The following KIAA2012 variants were observed in gnomAD, a reference collection of about 807,000 sequenced individuals.
The protein encoded by KIAA2012 is uncharacterized protein KIAA2012.
In KIAA2012, 125 loss-of-function variants were observed where a neutral mutation model predicts 150.6. The ratio of observed to expected loss-of-function variants is 0.83; its 90% CI spans 0.72 to 0.96. The LOEUF is 0.96. Ranked by LOEUF, KIAA2012 falls within the 40% of genes least tolerant of loss-of-function variation. The pLI, the probability that KIAA2012 is intolerant of heterozygous loss-of-function variation, is 0.00. For synonymous variants in KIAA2012, 462 were observed against 504.7 expected, an observed-to-expected ratio of 0.92 and a Z score of 1.13; for missense variants, 1,219 against 1,354.9, an observed-to-expected ratio of 0.90 and a Z score of 1.57.
intron 14 of KIAA2012, among the ~76,000 whole-genome samples, chr2:202,158,058 G>C (rs151043595): frequency 6.6e-6 from 1 of 151,904 alleles, no homozygotes; most frequent in Non-Finnish European, 1.5e-5. Context: ...GCAGTGGCAC[G>C]ATCTTGGCTC....
chr2:202,194,855 G>A (rs1216785827), intron 21 of KIAA2012, among the ~76,000 whole-genome samples: 2 of 152,062 alleles, frequency 1.3e-5, no homozygotes, highest in Non-Finnish European at 2.9e-5. Context: ...TGCAACCTCT[G>A]CCTCCCAGGT....
intron 2 of KIAA2012, among the ~76,000 whole-genome samples, chr2:202,078,062 T>G (rs1164351066): frequency 1.3e-5 from 2 of 152,214 alleles, no homozygotes; most frequent in Non-Finnish European, 2.9e-5. Context: ...GATTCAACAT[T>G]CCACTTTTAG....
At chr2:202,087,875 G>T (rs542238800) in intron 2 of KIAA2012, among the ~76,000 whole-genome samples, 2 of 151,962 alleles carry the variant, frequency 1.3e-5, no homozygotes, top group African/African-American at 4.8e-5. Context: ...ACCAGAGCTA[G>T]GTCCCTTGGC....
At chr2:202,080,065 G>A (rs1689411643) in intron 2 of KIAA2012, among the ~76,000 whole-genome samples, 1 of 152,178 alleles carries the variant, frequency 6.6e-6, no homozygotes, top group South Asian at 2.1e-4. Flanking sequence ...AAACCTAAGT[G>A]GTGAAGCTAG....
chr2:202,158,922 C>T (rs1290448864), intron 14 of KIAA2012, among the ~76,000 whole-genome samples: 2 of 151,974 alleles, frequency 1.3e-5, no homozygotes, highest in Non-Finnish European at 2.9e-5. Context: ...TATGTTATGC[C>T]CAGAACATCT....
intron 17 of KIAA2012, among the ~76,000 whole-genome samples, chr2:202,187,337 C>T (rs1316089213): frequency 6.6e-6 from 1 of 152,036 alleles, no homozygotes; most frequent in African/African-American, 2.4e-5. Flanking sequence ...CACAGTCTCA[C>T]TGTGTTGCCC....
intron 2 of KIAA2012, among the ~76,000 whole-genome samples, chr2:202,081,171 T>A (rs1689443914): frequency 6.6e-6 from 1 of 152,264 alleles, no homozygotes; most frequent in African/African-American, 2.4e-5. Context: ...TTGTAGCATG[T>A]ATCCGAATTT....
At chr2:202,079,436 A>G (rs1689393427) in intron 2 of KIAA2012, among the ~76,000 whole-genome samples, 1 of 152,136 alleles carries the variant, frequency 6.6e-6, no homozygotes, top group Admixed American at 6.5e-5. Flanking sequence ...GAATCAAGAA[A>G]CCTGCATGAC....
intron 15 of KIAA2012, among the ~76,000 whole-genome samples, chr2:202,181,010 T>C (rs1692107737): frequency 6.6e-6 from 1 of 152,120 alleles, no homozygotes; most frequent in African/African-American, 2.4e-5. Flanking sequence ...CACTCTGTCT[T>C]TCAGGCTGGA....
intron 7 of KIAA2012, among the ~76,000 whole-genome samples, chr2:202,100,681 A>G (rs1269248384): frequency 6.6e-6 from 1 of 152,260 alleles, no homozygotes; most frequent in Non-Finnish European, 1.5e-5. Flanking sequence ...ACCTTAAAGC[A>G]TGTGTTATTA....
intron 15 of KIAA2012, among the ~76,000 whole-genome samples, chr2:202,180,194 C>A (rs1032053047): frequency 2.6e-5 from 4 of 151,156 alleles, no homozygotes; most frequent in Non-Finnish European, 4.4e-5. Context: ...TCACTTGAAC[C>A]CGGGAGGCGG....
At chr2:202,127,554 G>A (rs1575026247) in intron 12 of KIAA2012, among the ~76,000 whole-genome samples, 1 of 152,298 alleles carries the variant, frequency 6.6e-6, no homozygotes, top group East Asian at 1.9e-4. Flanking sequence ...TGGAGAAGGG[G>A]ACACTAGAAG....
intron 14 of KIAA2012, among the ~76,000 whole-genome samples, chr2:202,158,284 G>A (rs945592746): frequency 4.0e-5 from 6 of 151,018 alleles, no homozygotes; most frequent in African/African-American, 1.2e-4. Flanking sequence ...GTGAGCCACC[G>A]TGCCCGGCCC....
intron 12 of KIAA2012, among the ~76,000 whole-genome samples, chr2:202,126,547 A>G (rs1232439193): frequency 1.3e-5 from 2 of 150,188 alleles, no homozygotes; most frequent in African/African-American, 4.9e-5. Flanking sequence ...ATTTTTGTTC[A>G]TTCTCATGCA....
intron 13 of KIAA2012, among the ~76,000 whole-genome samples, chr2:202,141,628 C>A (rs1691199387): frequency 6.6e-6 from 1 of 152,144 alleles, no homozygotes. Flanking sequence ...TAATGCAGGT[C>A]TTTCAAACTC....
chr2:202,102,830 A>C, intron 7 of KIAA2012, 116 bp from the exon 8 acceptor site: 1 of 1,007,136 alleles, frequency 9.9e-7, no homozygotes, highest in South Asian at 1.7e-5. Flanking sequence ...GGATTAGCTT[A>C]CCTCTCTCAG....
chr2:202,159,344 C>A (rs561131352), intron 14 of KIAA2012, among the ~76,000 whole-genome samples: 6 of 151,130 alleles, frequency 4.0e-5, no homozygotes, highest in Admixed American at 2.6e-4. Flanking sequence ...GAATAATATT[C>A]CCAGGAAAAA....
At position 202,109,638 on chromosome 2, in the gene KIAA2012, G is replaced by T; in HGVS notation, c.1500G>T (p.Val500=). The T allele has an allele frequency of 1.3e-6, 2 of 1,544,820 alleles. No individual in the cohort carries two copies. The highest frequency in any genetic ancestry group is 2.0e-5 in the Admixed American group (1 of 49,298). ...ATGATGATGCCCCACCTCACGATGT[G>T]GCCCCACCATTGGATCTTCTACCCC... ...PQDDDAPPHD[V]APPLDLLPPI... Residue 500 remains valine (V), a synonymous_variant, in exon 10 of 24, where the codon GTG becomes GTT. Coordinates refer to ENST00000498697, the MANE Select transcript of KIAA2012 (RefSeq NM_001277372.4).
intron 13 of KIAA2012, among the ~76,000 whole-genome samples, chr2:202,145,545 C>G (rs966076737): frequency 1.3e-5 from 2 of 152,086 alleles, no homozygotes; most frequent in Non-Finnish European, 2.9e-5. Flanking sequence ...CACATAATAT[C>G]TGCGTAGTTA....
Sources: allele counts gnomAD v4.1 joint callset (sites outside exome capture counted in the v4.1 genomes callset), GRCh38; gene constraint gnomAD v4.1.1; transcripts MANE v1.5; gene names NCBI Gene and HGNC (gene_info 2026-07-23, HGNC 2026-07-21).